CREBBP: variants seen among roughly 807,000 people sequenced by gnomAD.
CREBBP encodes the protein CREB-binding protein.
CREBBP carries 19 observed loss-of-function variants against 265.0 expected under a neutral mutation model. That is an observed-to-expected ratio of 0.07 (90% CI 0.05 to 0.11). The LOEUF is 0.11. Among genes scored for constraint, CREBBP ranks in the 10% least tolerant of loss-of-function variants. The probability of loss-of-function intolerance (pLI) is 1.00; values close to 1 mark genes in which losing one functional copy is unlikely to be tolerated. For synonymous variants in CREBBP, 1,457 were observed against 1,223.7 expected, an observed-to-expected ratio of 1.19 and a Z score of -3.98; for missense variants, 2,525 against 3,219.0, an observed-to-expected ratio of 0.78 and a Z score of 5.22.
At position 3,770,768 on chromosome 16, in the gene CREBBP, A is replaced by G. The variant is rs1567299192; in HGVS notation, c.2682T>C (p.Ser894=). ...GAGTCGGGGTGGGAGTCTGCCCGGA[A>G]GACGACACAGGAGTTGATGGCTGAG... ...APTQPSTPVS[S]SGQTPTPTPG... The change falls in exon 14 of 31, where the codon TCT becomes TCC. Residue 894 remains serine, a synonymous_variant. Transcript: ENST00000262367. 1 of 1,613,992 alleles carries G rather than the reference A, an allele frequency of 6.2e-7. No individual in the cohort carries two copies. Among genetic ancestry groups the G allele is most frequent in the South Asian group, 1.1e-5 (1 of 91,076 alleles).
At chr16:3,761,285 G>T (rs1038538376) in intron 16 of CREBBP, among the ~76,000 whole-genome samples, 1 of 152,078 alleles carries the variant, frequency 6.6e-6, no homozygotes, top group Non-Finnish European at 1.5e-5. Context: ...ACAGGTAAGT[G>T]GTAAACTGTA....
At chr16:3,850,095 CTTT>C (rs1449710705) in intron 2 of CREBBP, among the ~76,000 whole-genome samples, 199 bp downstream of exon 2, 16 of 152,138 alleles carry the variant, frequency 1.1e-4, no homozygotes, top group Non-Finnish European at 1.5e-5. Context: ...TGTCCTACTT[CTTT>C]AAGAATTCTC....
At chr16:3,730,768 C>T (rs2051892740) in intron 30 of CREBBP, among the ~76,000 whole-genome samples, 1 of 152,144 alleles carries the variant, frequency 6.6e-6, no homozygotes, top group Non-Finnish European at 1.5e-5. Flanking sequence ...CAGCCTGACT[C>T]GGCCCATGCA....
intron 26 of CREBBP, among the ~76,000 whole-genome samples, chr16:3,737,949 G>A (rs967784929): frequency 1.1e-4 from 17 of 151,148 alleles, no homozygotes; most frequent in African/African-American, 3.4e-4. Flanking sequence ...TACTATGCCC[G>A]GCTAACTTTT....
rs1031081253 is a variant in CREBBP at position 3,782,150 on chromosome 16, A to G, written c.1573+534T>C. On this transcript the variant is annotated intron_variant, in intron 6 of 30. Coordinates refer to ENST00000262367, the MANE Select transcript of CREBBP (RefSeq NM_004380.3). ...AATGGCAAAATCATGGCGATGTGTG[A>G]GCAAACGATCAAAGGCTGGCAAATA... Among the ~76,000 whole-genome samples the G allele has an allele frequency of 2.0e-5, 3 of 152,340 alleles. 1 individual carries two copies. In the South Asian group the frequency reaches 6.2e-4, roughly 32 times the overall value.
chr16:3,810,873 T>C (rs750362822), intron 2 of CREBBP, 94 bp from the exon 3 acceptor site: 8 of 1,252,536 alleles, frequency 6.4e-6, no homozygotes, highest in Non-Finnish European at 8.1e-6. Context: ...TATGAAATAC[T>C]CATTGCAATG....
intron 1 of CREBBP, among the ~76,000 whole-genome samples, chr16:3,873,230 CAAT>C (rs2055335954): frequency 6.6e-6 from 1 of 152,102 alleles, no homozygotes; most frequent in Non-Finnish European, 1.5e-5. Context: ...TCAAAATTAT[CAAT>C]AATTTTCAGT....
At position 3,880,088 on chromosome 16, in the gene CREBBP, C is replaced by T; in HGVS notation, c.-172G>A. 3.2e-6 allele frequency: 1 copy of T among 310,338 alleles called. No homozygotes were observed. The highest frequency in any genetic ancestry group is 6.7e-5 in the East Asian group (1 of 14,916). 19.2% of individuals were successfully genotyped at this position (310,338 alleles called of 1,614,324 possible). On this transcript the variant is annotated 5_prime_UTR_variant, in exon 1 of 31. Transcript: ENST00000262367. Reference sequence around the variant, plus strand: ...GCAGGCCGGGTGGGGGAGGCGGCGGCCAAATCTCAGCCACAGCAACAGCGC... The same window carrying T: ...GCAGGCCGGGTGGGGGAGGCGGCGGTCAAATCTCAGCCACAGCAACAGCGC...
At chr16:3,858,922 T>G (rs1049044339) in intron 1 of CREBBP, among the ~76,000 whole-genome samples, 1 of 152,226 alleles carries the variant, frequency 6.6e-6, no homozygotes, top group Non-Finnish European at 1.5e-5. Flanking sequence ...GAAATAAGCA[T>G]GTAAGAGTTC....
chr16:3,778,642 T>C (rs568966523), intron 9 of CREBBP, 58 bp downstream of exon 9: 3 of 1,297,246 alleles, frequency 2.3e-6, no homozygotes, highest in East Asian at 2.3e-5. Context: ...AGCAGACAAA[T>C]GTAGTGCTGT....
At position 3,729,008 on chromosome 16, in the gene CREBBP, C is replaced by A; in HGVS notation, c.6039G>T (p.Met2013Ile). The change falls in exon 31 of 31, where the codon ATG (methionine) becomes ATT (isoleucine). Residue 2013 changes from methionine to isoleucine, a missense_variant. By Grantham distance (10) the Met-to-Ile change is conservative (BLOSUM62 1). Around this residue, in one of 19 missense-constraint regions of CREBBP, gnomAD observed 275 missense variants for 276.5 expected, o/e 0.99. Coordinates refer to ENST00000262367, the MANE Select transcript of CREBBP (RefSeq NM_004380.3). ...PRPNQVSGPV[M>I]PSMPPGQWQQ... ...GCCACTGCCCGGGAGGCATGCTGGGCATGACGGGCCCGCTCACCTGGTTGG... is the reference window on the plus strand; with the variant it reads ...GCCACTGCCCGGGAGGCATGCTGGGAATGACGGGCCCGCTCACCTGGTTGG... 1 of 1,592,882 alleles carries A rather than the reference C, an allele frequency of 6.3e-7. No homozygotes were observed. The highest frequency in any genetic ancestry group is 8.5e-7 in the Non-Finnish European group (1 of 1,175,160).
chr16:3,758,309 C>T (rs2052634465), intron 17 of CREBBP, among the ~76,000 whole-genome samples: 1 of 152,084 alleles, frequency 6.6e-6, no homozygotes, highest in South Asian at 2.1e-4. Context: ...TTAAAAGATA[C>T]TTCTAACAAA....
intron 3 of CREBBP, among the ~76,000 whole-genome samples, chr16:3,803,901 C>T (rs971257635): frequency 6.6e-5 from 10 of 151,886 alleles, no homozygotes; most frequent in Admixed American, 3.3e-4. Context: ...AGCAACATGG[C>T]GAAACCTGTC....
At chr16:3,772,555 C>A (rs2053038718) in intron 13 of CREBBP, among the ~76,000 whole-genome samples, 1 of 152,116 alleles carries the variant, frequency 6.6e-6, no homozygotes, top group Non-Finnish European at 1.5e-5. Context: ...ACAGCCACCT[C>A]ATTTATGTAC....
chr16:3,737,536 C>T (rs1015100342), intron 26 of CREBBP, among the ~76,000 whole-genome samples: 1 of 149,604 alleles, frequency 6.7e-6, no homozygotes, highest in South Asian at 2.1e-4. Flanking sequence ...CTCGACTCAG[C>T]GCATCCTCTG....
intron 2 of CREBBP, among the ~76,000 whole-genome samples, chr16:3,822,111 C>T (rs575182837): frequency 2.0e-4 from 31 of 152,220 alleles, no homozygotes; most frequent in African/African-American, 7.0e-4. Context: ...CACTGCAATC[C>T]AACTATGGCC....
At chr16:3,793,321 G>T in intron 4 of CREBBP, 65 bp downstream of exon 4, 1 of 1,608,730 alleles carries the variant, frequency 6.2e-7, no homozygotes, top group Non-Finnish European at 8.5e-7. Context: ...GAGAGCTGCT[G>T]TAAGAACAAT....
intron 19 of CREBBP, among the ~76,000 whole-genome samples, chr16:3,752,996 C>T (rs1454939460): frequency 6.6e-6 from 1 of 152,104 alleles, no homozygotes; most frequent in South Asian, 2.1e-4. Flanking sequence ...AATAAACAAG[C>T]GGGTGGAGGT....
chr16:3,763,129 T>G (rs967557774), intron 16 of CREBBP, among the ~76,000 whole-genome samples: 1 of 151,906 alleles, frequency 6.6e-6, no homozygotes, highest in Non-Finnish European at 1.5e-5. Context: ...CCCTTCTATG[T>G]GCTGTAAGAT....
Sources: allele counts gnomAD v4.1 joint callset (sites outside exome capture counted in the v4.1 genomes callset), GRCh38; gene constraint gnomAD v4.1.1; regional missense constraint gnomAD v4.1.1; transcripts MANE v1.5; gene names NCBI Gene and HGNC (gene_info 2026-07-23, HGNC 2026-07-21).